The following BTG4 variants were observed in gnomAD, a reference collection of about 807,000 sequenced individuals.
BTG4 encodes the protein protein BTG4.
A neutral mutation model predicts 19.3 loss-of-function variants in BTG4; 10 were observed. The observed-to-expected ratio is 0.52, with a 90% CI of 0.32 to 0.88. The LOEUF (loss-of-function observed/expected upper bound fraction) is 0.88. BTG4 is among the 40% of genes least tolerant of loss of function. BTG4 has a pLI of 0.04. For synonymous variants in BTG4, 91 were observed against 95.7 expected, an observed-to-expected ratio of 0.95 and a Z score of 0.29; for missense variants, 238 against 281.9, an observed-to-expected ratio of 0.84 and a Z score of 1.11.
At chr11:111,484,687 G>A (rs1399361984) in intron 5 of BTG4, among the ~76,000 whole-genome samples, 1 of 152,014 alleles carries the variant, frequency 6.6e-6, no homozygotes, top group African/African-American at 2.4e-5. Flanking sequence ...TACTGTCAGA[G>A]GGAATCACTT....
chr11:111,440,005 C>T, the BTG4 span, among the ~76,000 whole-genome samples: 1 of 152,204 alleles, frequency 6.6e-6, no homozygotes, highest in Non-Finnish European at 1.5e-5. Context: ...TTTATTTTAT[C>T]TCACAGTGCT....
At chr11:111,505,063 A>G (rs532859676) in intron 1 of BTG4, among the ~76,000 whole-genome samples, 1 of 152,212 alleles carries the variant, frequency 6.6e-6, no homozygotes, top group East Asian at 1.9e-4. Flanking sequence ...TACAGATTCA[A>G]TGCAATCCCT....
the BTG4 span, among the ~76,000 whole-genome samples, chr11:111,434,761 A>G: frequency 1.3e-5 from 2 of 152,032 alleles, no homozygotes; most frequent in African/African-American, 4.8e-5. Flanking sequence ...ACTCAAATCC[A>G]AGTTTCCTGG....
At chr11:111,452,428 C>CA in the BTG4 span, 847 of 152,426 alleles carry the variant, frequency 5.6e-3, 6 homozygotes, top group South Asian at 0.026. Context: ...GCCCTCCCGC[C>CA]AGGGGGCCAG....
the BTG4 span, among the ~76,000 whole-genome samples, chr11:111,427,429 G>A: frequency 2.8e-4 from 42 of 152,232 alleles, no homozygotes; most frequent in Non-Finnish European, 5.0e-4. Flanking sequence ...AGCTCTCAAA[G>A]GACCGCTCTG....
chr11:111,479,721 A>G (rs959522583), intron 5 of BTG4, among the ~76,000 whole-genome samples: 4 of 152,176 alleles, frequency 2.6e-5, no homozygotes, highest in African/African-American at 9.6e-5. Context: ...AAATGGGGGA[A>G]GATAACAAGA....
intron 5 of BTG4, among the ~76,000 whole-genome samples, chr11:111,478,938 G>C (rs1454342080): frequency 6.7e-6 from 1 of 149,130 alleles, no homozygotes; most frequent in Non-Finnish European, 1.5e-5. Context: ...AAAGGGGTAG[G>C]CTGAAAAAAA....
chr11:111,478,754 G>A (rs12292164), intron 5 of BTG4, among the ~76,000 whole-genome samples: 28 of 151,860 alleles, frequency 1.8e-4, no homozygotes, highest in Admixed American at 5.9e-4. Flanking sequence ...ACAGTAAAAC[G>A]GAAGAGATAG....
chr11:111,421,541 G>C, the BTG4 span, among the ~76,000 whole-genome samples: 1 of 152,216 alleles, frequency 6.6e-6, no homozygotes, highest in Admixed American at 6.5e-5. Context: ...CTGCACCTTA[G>C]AGGCATAGAC....
chr11:111,423,186 G>T, the BTG4 span, among the ~76,000 whole-genome samples: 55 of 152,092 alleles, frequency 3.6e-4, no homozygotes, highest in Admixed American at 7.2e-4. Context: ...AAGGGCCACC[G>T]CAGTGACAGA....
chr11:111,415,393 G>A, the BTG4 span, among the ~76,000 whole-genome samples: 2 of 152,246 alleles, frequency 1.3e-5, no homozygotes, highest in Non-Finnish European at 2.9e-5. Context: ...GTCAGAGGAA[G>A]TGAATATAAA....
Position 111,497,361 on chromosome 11 carries a change from T to A in BTG4, c.360A>T (p.Arg120Ser), listed in dbSNP as rs1865802234. 4 of 1,433,468 alleles carry A rather than the reference T, an allele frequency of 2.8e-6. No homozygotes were observed. The highest frequency in any genetic ancestry group is 5.1e-5 in the Admixed American group (2 of 39,046). 88.8% of individuals were successfully genotyped at this position (1,433,468 alleles called of 1,614,324 possible). A position where few individuals can be genotyped will look rare whatever the true frequency, so the allele number is the denominator to read the frequency against. Residue 120 changes from arginine (R) to serine (S), a missense_variant, in exon 4 of 5, where the codon AGA becomes AGT. Arg to Ser is a moderately radical substitution (Grantham distance 110, BLOSUM62 -1). Coordinates refer to ENST00000692032, the MANE Select transcript of BTG4 (RefSeq NM_001367975.1). ...HPFTVASFKG[R>S]WEEWELYQQI... is the part of the protein sequence containing the mutation. ...GTTGATATAGTTCCCATTCCTCCCA[T>A]CTGCCTTTAAAAGAAGCAACTGTAA... is the stretch of plus-strand genomic sequence containing the variant.
intron 1 of BTG4, among the ~76,000 whole-genome samples, chr11:111,500,454 CT>C (rs1429331815): frequency 6.6e-6 from 1 of 152,224 alleles, no homozygotes; most frequent in Non-Finnish European, 1.5e-5. Flanking sequence ...AAATCTACCT[CT>C]GATTTTCCTA....
chr11:111,509,792 T>G (rs1242483215), intron 1 of BTG4, among the ~76,000 whole-genome samples: 2 of 152,106 alleles, frequency 1.3e-5, no homozygotes, highest in Admixed American at 1.3e-4. Flanking sequence ...AATTCTTCAT[T>G]TCTTCCTCTT....
At chr11:111,489,639 A>G (rs952146891) in intron 5 of BTG4, among the ~76,000 whole-genome samples, 2 of 152,238 alleles carry the variant, frequency 1.3e-5, no homozygotes, top group Admixed American at 1.3e-4. Context: ...AAAGAATAAA[A>G]TCCTATCATT....
intron 1 of BTG4, among the ~76,000 whole-genome samples, chr11:111,505,672 T>C (rs1458238599): frequency 2.6e-5 from 4 of 151,906 alleles, no homozygotes; most frequent in Non-Finnish European, 4.4e-5. Flanking sequence ...AAACAAATAA[T>C]CAATAGGATA....
At chr11:111,400,184 T>G in the BTG4 span, among the ~76,000 whole-genome samples, 1 of 152,290 alleles carries the variant, frequency 6.6e-6, no homozygotes, top group Non-Finnish European at 1.5e-5. Flanking sequence ...TGCCTCAGTT[T>G]CCTCATCTGT....
At chr11:111,503,601 T>C (rs1354599694) in intron 1 of BTG4, among the ~76,000 whole-genome samples, 1 of 152,160 alleles carries the variant, frequency 6.6e-6, no homozygotes, top group Non-Finnish European at 1.5e-5. Context: ...GAGGGGATTA[T>C]GTCTGGGCGA....
chr11:111,398,430 G>A, the BTG4 span, among the ~76,000 whole-genome samples: 2 of 152,078 alleles, frequency 1.3e-5, no homozygotes, highest in African/African-American at 2.4e-5. Context: ...AGGAGGTCTC[G>A]TTCAGGCTGA....
Sources: gnomAD v4.1 joint callset for allele counts (sites outside exome capture counted in the v4.1 genomes callset) on GRCh38, gnomAD v4.1.1 for gene constraint, MANE v1.5 for transcripts, NCBI Gene and HGNC (gene_info 2026-07-23, HGNC 2026-07-21) for gene names.